OTUD7A: variants seen among roughly 807,000 people sequenced by gnomAD.
OTUD7A encodes OTU domain-containing protein 7A.
Under a neutral mutation model 65.7 loss-of-function variants are expected in OTUD7A, and 12 were observed. That is an observed-to-expected ratio of 0.18 (90% confidence interval 0.12 to 0.30). The LOEUF (loss-of-function observed/expected upper bound fraction) is 0.30, where lower values mean the gene tolerates loss of function less well. Among genes scored for constraint, OTUD7A ranks in the 10% least tolerant of loss-of-function variants. The pLI is 1.00. For synonymous variants in OTUD7A, 641 were observed against 586.3 expected (o/e 1.09, Z -1.35); for missense variants, 1,148 against 1,304.8 (o/e 0.88, Z 1.85).
At chr15:31,831,170 T>C (rs1371745373) in intron 1 of OTUD7A, among the ~76,000 whole-genome samples, 1 of 152,160 alleles carries the variant, frequency 6.6e-6, no homozygotes, top group East Asian at 1.9e-4. Context: ...TGAATCACAA[T>C]GCTCAATGTA....
chr15:31,800,840 C>G (rs933186249), intron 1 of OTUD7A, among the ~76,000 whole-genome samples: 2 of 152,130 alleles, frequency 1.3e-5, no homozygotes, highest in African/African-American at 4.8e-5. Flanking sequence ...CTGATTCTTG[C>G]TGACAGCAGC....
chr15:31,527,159 G>A (rs982884206), intron 7 of OTUD7A, 22 bp downstream of exon 7: 1 of 1,613,670 alleles, frequency 6.2e-7, no homozygotes, highest in African/African-American at 1.3e-5. Context: ...CCCGGGCTCT[G>A]GCCATGCCAG....
At chr15:31,697,888 G>A (rs1485123841) in intron 1 of OTUD7A, among the ~76,000 whole-genome samples, 1 of 152,160 alleles carries the variant, frequency 6.6e-6, no homozygotes, top group African/African-American at 2.4e-5. Flanking sequence ...CCAGCTTGAA[G>A]ACACTGGTCA....
intron 1 of OTUD7A, among the ~76,000 whole-genome samples, chr15:31,758,382 G>GTC (rs1179481756): frequency 2.0e-5 from 3 of 152,154 alleles, no homozygotes; most frequent in Non-Finnish European, 2.9e-5. Context: ...GCTTCAGCTG[G>GTC]TCTCATTCTA....
At chr15:31,843,214 C>T (rs1010047215) in intron 1 of OTUD7A, among the ~76,000 whole-genome samples, 77 of 152,090 alleles carry the variant, frequency 5.1e-4, no homozygotes, top group African/African-American at 1.8e-3. Flanking sequence ...GGAACAGTTA[C>T]CTCCCCAACT....
chr15:31,524,042 G>A (rs1279133317), intron 8 of OTUD7A, among the ~76,000 whole-genome samples: 1 of 152,128 alleles, frequency 6.6e-6, no homozygotes, highest in African/African-American at 2.4e-5. Flanking sequence ...GACTGGCCAT[G>A]CAAAGGTTCC....
At position 31,812,518 on chromosome 15, in the gene OTUD7A, G is replaced by A. The variant is rs183147088; in HGVS notation, c.-100+57989C>T. ...CTTCCAAGAAAATGCACGCCCTGAA[G>A]CCATTTCATGGGCCAGTAAAAAGAG... On this transcript the variant is annotated intron_variant, in intron 1 of 12. Transcript: ENST00000307050. Among the ~76,000 whole-genome samples the A allele has an allele frequency of 7.9e-4, 121 of 152,270 alleles. 1 individual carries two copies. Among genetic ancestry groups the A allele is most frequent in the African/African-American group, 2.7e-3 (114 of 41,558 alleles).
At chr15:31,748,320 C>T (rs192382072) in intron 1 of OTUD7A, among the ~76,000 whole-genome samples, 4 of 151,820 alleles carry the variant, frequency 2.6e-5, no homozygotes, top group Admixed American at 6.6e-5. Flanking sequence ...AAAAACTCCA[C>T]GATGATATAC....
At chr15:31,726,197 C>A (rs1368398348) in intron 1 of OTUD7A, among the ~76,000 whole-genome samples, 1 of 152,014 alleles carries the variant, frequency 6.6e-6, no homozygotes, top group Non-Finnish European at 1.5e-5. Context: ...TATTTAAGCA[C>A]CAGTGTCTTC....
chr15:31,656,255 T>C (rs529827450), intron 2 of OTUD7A, among the ~76,000 whole-genome samples: 2 of 152,348 alleles, frequency 1.3e-5, no homozygotes, highest in South Asian at 4.1e-4. Flanking sequence ...CACTAGTGAA[T>C]GGTGCTGGGG....
At chr15:31,610,617 A>ATATATATATATTTTTTT in intron 3 of OTUD7A, among the ~76,000 whole-genome samples, 7 of 30,550 alleles carry the variant, frequency 2.3e-4, no homozygotes, top group African/African-American at 6.8e-4. Context: ...ATATATATAT[A>ATATATATATATTTTTTT]TTTTTTTTTT....
intron 1 of OTUD7A, among the ~76,000 whole-genome samples, chr15:31,791,526 T>C (rs1895815619): frequency 6.6e-6 from 1 of 152,118 alleles, no homozygotes. Context: ...AGTTGTAGAA[T>C]AGGGAAAGCT....
chr15:31,501,931 GGGAC>G, intron 9 of OTUD7A, 92 bp from the exon 10 acceptor site: 1 of 1,393,242 alleles, frequency 7.2e-7, no homozygotes, highest in Non-Finnish European at 9.8e-7. Flanking sequence ...CTACCCCGGG[GGGAC>G]TCCGTGGAGA....
chr15:31,654,616 C>T (rs1207358511), intron 3 of OTUD7A, among the ~76,000 whole-genome samples: 1 of 152,122 alleles, frequency 6.6e-6, no homozygotes, highest in Non-Finnish European at 1.5e-5. Context: ...ATTTTAGAGA[C>T]ATAGAAACTA....
chr15:31,688,080 G>A (rs887880305), intron 1 of OTUD7A, among the ~76,000 whole-genome samples: 59 of 152,138 alleles, frequency 3.9e-4, no homozygotes, highest in African/African-American at 1.4e-3. Flanking sequence ...GCTGGGCGTG[G>A]TGACGGGCGC....
At chr15:31,619,939 C>T (rs904883995) in intron 3 of OTUD7A, among the ~76,000 whole-genome samples, 1 of 152,058 alleles carries the variant, frequency 6.6e-6, no homozygotes, top group East Asian at 1.9e-4. Context: ...GAGATATGTC[C>T]CATCAATACC....
rs961032795 is a variant in OTUD7A, at chr15:31,484,408, G to A, written c.1688C>T (p.Ser563Leu). ...ANSANGKNGD[S>L]AERGKEKKAK... The stretch of plus-strand genomic sequence containing the variant: ...CTTCTTCTCCTTGCCCCGCTCGGCC[G>A]AGTCCCCGTTCTTGCCATTGGCGGA... Residue 563 changes from serine (S) to leucine (L), a missense_variant, in exon 13 of 13, where the codon TCG becomes TTG. Coordinates refer to ENST00000307050, the MANE Select transcript of OTUD7A (RefSeq NM_001382637.1). This position sits in a 1 kb window ranked among gnomAD's most constrained non-coding sequence, Gnocchi z 4.5. 3.1e-6 allele frequency: 5 copies of A among 1,601,648 alleles called. No individual in the cohort carries two copies. The African/African-American group carries it at 5.3e-5, about 17-fold the overall frequency.
intron 4 of OTUD7A, among the ~76,000 whole-genome samples, chr15:31,560,523 T>C (rs755969189): frequency 1.2e-4 from 19 of 152,344 alleles, no homozygotes; most frequent in Admixed American, 4.6e-4. Flanking sequence ...ATGACTAACA[T>C]TGAACATAAA....
At chr15:31,512,001 T>C (rs1389876124) in intron 8 of OTUD7A, among the ~76,000 whole-genome samples, 1 of 152,154 alleles carries the variant, frequency 6.6e-6, no homozygotes, top group Admixed American at 6.5e-5. Flanking sequence ...CTAAGAAATA[T>C]TTTACCACCT....
Sources: allele counts gnomAD v4.1 joint callset (sites outside exome capture counted in the v4.1 genomes callset), GRCh38; gene constraint gnomAD v4.1.1; non-coding constraint Gnocchi (gnomAD v3.1); transcripts MANE v1.5; gene names NCBI Gene and HGNC (gene_info 2026-07-23, HGNC 2026-07-21).